Variants in CDK6 observed in about 807,000 individuals in gnomAD.
CDK6 encodes cyclin dependent kinase 6.
Under a neutral mutation model 37.1 loss-of-function variants are expected in CDK6, and 6 were observed. That is an observed-to-expected ratio of 0.16 (90% CI 0.09 to 0.32). The LOEUF is 0.32. Among genes scored for constraint, CDK6 ranks in the 10% least tolerant of loss-of-function variants. The pLI is 1.00. For synonymous variants in CDK6, 160 were observed against 161.3 expected (o/e 0.99, Z 0.06); for missense variants, 224 against 418.9 (o/e 0.53, Z 4.06).
At chr7:92,629,733 C>T (rs1198184081) in intron 5 of CDK6, among the ~76,000 whole-genome samples, 2 of 152,132 alleles carry the variant, frequency 1.3e-5, no homozygotes, top group Non-Finnish European at 2.9e-5. Context: ...CCTTAGTCTA[C>T]TCAGGCTGCA....
At chr7:92,727,239 T>C (rs950142520) in intron 3 of CDK6, among the ~76,000 whole-genome samples, 2 of 152,256 alleles carry the variant, frequency 1.3e-5, no homozygotes, top group African/African-American at 4.8e-5. Flanking sequence ...GTTAGAAAAA[T>C]GACTGGGTAC....
At chr7:92,648,802 G>A (rs56201652) in intron 5 of CDK6, among the ~76,000 whole-genome samples, 43,306 of 151,998 alleles carry the variant, frequency 0.28, 6,581 homozygotes, top group Middle Eastern at 0.39. Flanking sequence ...AATCTACAAA[G>A]TGAGAAATAG....
At chr7:92,740,446 G>A (rs894051859) in intron 3 of CDK6, among the ~76,000 whole-genome samples, 7 of 152,010 alleles carry the variant, frequency 4.6e-5, no homozygotes, top group Non-Finnish European at 7.4e-5. Context: ...TGCCCGCCTC[G>A]TATAATCTCA....
In CDK6 at chr7:92,611,357, A is replaced by G. The variant is rs1166203348; in HGVS notation, c.*3783T>C. ...TGGTGGCATATTCACTTTTAACATT[A>G]TTTTTTCCTAGACTCAACTATGCAA... On this transcript the variant is annotated 3_prime_UTR_variant, in exon 8 of 8. Transcript: ENST00000424848. The G allele has an allele frequency of 4.4e-6, 1 of 227,686 alleles. No individual in the cohort carries two copies. Among genetic ancestry groups the G allele is most frequent in the East Asian group, 6.4e-5 (1 of 15,634 alleles). The allele number at this position is 227,686 out of a possible 1,614,324, so 14.1% of individuals were successfully genotyped here. A position where few individuals can be genotyped will look rare whatever the true frequency, so the allele number is the denominator to read the frequency against.
chr7:92,638,250 A>G (rs928268821), intron 5 of CDK6, among the ~76,000 whole-genome samples: 2 of 152,236 alleles, frequency 1.3e-5, no homozygotes, highest in Non-Finnish European at 2.9e-5. Context: ...TTTTGAAAAT[A>G]AATGATGTAT....
At chr7:92,800,812 C>T (rs1440963045) in intron 2 of CDK6, among the ~76,000 whole-genome samples, 1 of 152,144 alleles carries the variant, frequency 6.6e-6, no homozygotes, top group Non-Finnish European at 1.5e-5. Context: ...AAAACATCTT[C>T]GATTCAGGCA....
chr7:92,735,123 A>T (rs1322882402), intron 3 of CDK6, among the ~76,000 whole-genome samples: 4 of 152,142 alleles, frequency 2.6e-5, no homozygotes, highest in Admixed American at 6.5e-5. Context: ...ATTTCATATG[A>T]TCATATCAGA....
intron 5 of CDK6, among the ~76,000 whole-genome samples, chr7:92,667,888 A>G (rs1416635083): frequency 6.6e-6 from 1 of 152,224 alleles, no homozygotes; most frequent in Non-Finnish European, 1.5e-5. Context: ...AAAATGTTAC[A>G]GTAAGCCAAG....
At chr7:92,637,064 T>A (rs553012046) in intron 5 of CDK6, among the ~76,000 whole-genome samples, 1 of 152,316 alleles carries the variant, frequency 6.6e-6, no homozygotes, top group Non-Finnish European at 1.5e-5. Context: ...CAGCCACATG[T>A]TGCTACACTT....
chr7:92,629,269 G>A (rs1052900744), intron 5 of CDK6, among the ~76,000 whole-genome samples: 17 of 152,072 alleles, frequency 1.1e-4, no homozygotes, highest in African/African-American at 3.9e-4. Flanking sequence ...CTGTCCATAG[G>A]AGGGACTATG....
chr7:92,754,453 T>C (rs1377284243), intron 3 of CDK6, among the ~76,000 whole-genome samples: 1 of 152,150 alleles, frequency 6.6e-6, no homozygotes, highest in Non-Finnish European at 1.5e-5. Context: ...TAAGAAACCA[T>C]TCTTTTCCCC....
chr7:92,760,667 CAA>C (rs1799431627), intron 3 of CDK6, among the ~76,000 whole-genome samples: 7 of 152,020 alleles, frequency 4.6e-5, no homozygotes, highest in African/African-American at 1.7e-4. Flanking sequence ...CCATTGTAAA[CAA>C]TAAATTATAA....
At chr7:92,616,960 G>A (rs1159510376) in intron 7 of CDK6, among the ~76,000 whole-genome samples, 1 of 152,220 alleles carries the variant, frequency 6.6e-6, no homozygotes, top group Non-Finnish European at 1.5e-5. Flanking sequence ...TTGCCAGGTT[G>A]AGGGTTAATT....
intron 3 of CDK6, among the ~76,000 whole-genome samples, chr7:92,737,582 A>G (rs1486196276): frequency 6.6e-6 from 1 of 152,194 alleles, no homozygotes; most frequent in Non-Finnish European, 1.5e-5. Context: ...CATGAAATAT[A>G]CCATTTTACT....
rs1795642340 is a variant in CDK6 at position 92,615,026 on chromosome 7, G to A, written c.*114C>T. The A allele has an allele frequency of 2.8e-6, 3 of 1,069,814 alleles. No homozygotes were observed. Among genetic ancestry groups the A allele is most frequent in the East Asian group, 5.0e-5 (2 of 39,696 alleles). 66.3% of individuals were successfully genotyped at this position (1,069,814 alleles called of 1,614,324 possible). A position where few individuals can be genotyped will look rare whatever the true frequency, so the allele number is the denominator to read the frequency against. ...AGCAGAGCCTGTCCAGAAGACAGCA[G>A]CTGGAAGGCCTCCAGATAGCAATCC... On this transcript the variant is annotated 3_prime_UTR_variant, in exon 8 of 8. Coordinates refer to ENST00000424848, the MANE Select transcript of CDK6 (RefSeq NM_001145306.2).
At chr7:92,777,635 C>A (rs1045466018) in intron 2 of CDK6, among the ~76,000 whole-genome samples, 2 of 152,086 alleles carry the variant, frequency 1.3e-5, no homozygotes, top group Admixed American at 6.5e-5. Flanking sequence ...GTTACTGTAG[C>A]CTTGTAGTAT....
chr7:92,683,383 G>A (rs138933786), intron 4 of CDK6, among the ~76,000 whole-genome samples: 15 of 152,294 alleles, frequency 9.8e-5, no homozygotes, highest in African/African-American at 3.1e-4. Context: ...CCTACTAAAT[G>A]AGTACTAGCA....
intron 6 of CDK6, among the ~76,000 whole-genome samples, chr7:92,622,524 C>A (rs1795825949): frequency 6.6e-6 from 1 of 152,060 alleles, no homozygotes; most frequent in African/African-American, 2.4e-5. Flanking sequence ...AGTTATTTTG[C>A]CAAAGACTTA....
intron 3 of CDK6, among the ~76,000 whole-genome samples, chr7:92,729,544 T>C (rs1798593735): frequency 6.6e-6 from 1 of 152,180 alleles, no homozygotes; most frequent in Non-Finnish European, 1.5e-5. Context: ...CTCCGAGAGA[T>C]CTTAGGTGGG....
Sources: allele counts gnomAD v4.1 joint callset (sites outside exome capture counted in the v4.1 genomes callset), GRCh38; gene constraint gnomAD v4.1.1; transcripts MANE v1.5; gene names NCBI Gene and HGNC (gene_info 2026-07-23, HGNC 2026-07-21).